ATL1: variants seen among roughly 807,000 people sequenced by gnomAD.
The protein encoded by ATL1 is atlastin-1.
In ATL1, 31 loss-of-function variants were observed where a neutral mutation model predicts 75.5. That is an observed-to-expected ratio of 0.41 (90% CI 0.31 to 0.55). ATL1 has a LOEUF of 0.55. Ranked by LOEUF, ATL1 falls within the 20% of genes least tolerant of loss-of-function variation. ATL1 has a pLI of 0.27. For missense variants in ATL1, 405 were observed against 662.6 expected (o/e 0.61, Z 4.27); for synonymous variants, 226 against 233.3 (o/e 0.97, Z 0.28).
intron 8 of ATL1, among the ~76,000 whole-genome samples, chr14:50,615,640 C>A (rs1407608495): frequency 6.6e-6 from 1 of 152,164 alleles, no homozygotes; most frequent in African/African-American, 2.4e-5. Flanking sequence ...GGATGACAGG[C>A]TCCTATAATT....
intron 1 of ATL1, among the ~76,000 whole-genome samples, chr14:50,553,497 C>G (rs2038728379): frequency 6.6e-6 from 1 of 151,954 alleles, no homozygotes; most frequent in Non-Finnish European, 1.5e-5. Flanking sequence ...TTTTACGCTG[C>G]TGGTGGGAAT....
At chr14:50,564,539 C>T (rs1361014627) in intron 1 of ATL1, among the ~76,000 whole-genome samples, 5 of 148,758 alleles carry the variant, frequency 3.4e-5, no homozygotes, top group East Asian at 2.0e-4. Flanking sequence ...ATCCCAGCTA[C>T]TCGGGAGGCT....
chr14:50,624,277 G>A (rs1232083184), intron 11 of ATL1, among the ~76,000 whole-genome samples: 2 of 152,042 alleles, frequency 1.3e-5, no homozygotes, highest in African/African-American at 4.8e-5. Context: ...TGTGAAGCAA[G>A]TCTATTGACG....
At chr14:50,631,285 CA>C (rs983052025) in intron 13 of ATL1, among the ~76,000 whole-genome samples, 2 of 147,436 alleles carry the variant, frequency 1.4e-5, no homozygotes, top group South Asian at 2.2e-4. Context: ...AAAACAAAAA[CA>C]AAAAAAAACC....
chr14:50,565,319 A>C (rs1035008647), intron 1 of ATL1, among the ~76,000 whole-genome samples: 1 of 151,748 alleles, frequency 6.6e-6, no homozygotes, highest in South Asian at 2.1e-4. Context: ...AAAACAAACA[A>C]AAAAAACCAC....
At chr14:50,597,220 C>CAAAAAAAAAAAAAAAAAAAAAAAAAAAAA (rs372066395) in intron 6 of ATL1, among the ~76,000 whole-genome samples, 13 of 108,346 alleles carry the variant, frequency 1.2e-4, no homozygotes, top group East Asian at 2.5e-4. Flanking sequence ...AAAAAACAAA[C>CAAAAAAAAAAAAAAAAAAAAAAAAAAAAA]AAAAAAAAAA....
intron 1 of ATL1, among the ~76,000 whole-genome samples, chr14:50,540,254 A>G (rs1253376382): frequency 6.6e-6 from 1 of 152,226 alleles, no homozygotes; most frequent in Admixed American, 6.5e-5. Flanking sequence ...TTAATCCCTG[A>G]GTCTCTAGGA....
chr14:50,598,640 G>A (rs369252795), intron 6 of ATL1, among the ~76,000 whole-genome samples: 1 of 152,172 alleles, frequency 6.6e-6, no homozygotes, highest in Non-Finnish European at 1.5e-5. Flanking sequence ...TGGGATTACA[G>A]GTGTGAGCCA....
chr14:50,581,374 G>T (rs2039053463), intron 1 of ATL1, among the ~76,000 whole-genome samples: 1 of 151,314 alleles, frequency 6.6e-6, no homozygotes, highest in Non-Finnish European at 1.5e-5. Flanking sequence ...ATATGAAAAG[G>T]GTCAAAATAG....
At chr14:50,562,714 A>C (rs529139203) in intron 1 of ATL1, among the ~76,000 whole-genome samples, 24 of 152,340 alleles carry the variant, frequency 1.6e-4, no homozygotes, top group African/African-American at 5.5e-4. Flanking sequence ...TAGAAAAGAA[A>C]GAGTGGAATT....
intron 1 of ATL1, among the ~76,000 whole-genome samples, chr14:50,582,522 G>C (rs1209377807): frequency 6.7e-6 from 1 of 149,204 alleles, no homozygotes; most frequent in Non-Finnish European, 1.5e-5. Flanking sequence ...TGATTCTCCT[G>C]CCTCAGCCTC....
chr14:50,623,046 G>A (rs1353272319), intron 10 of ATL1, 131 bp from the exon 11 acceptor site: 14 of 754,242 alleles, frequency 1.9e-5, no homozygotes, highest in Non-Finnish European at 3.2e-5. Flanking sequence ...TATTATAACA[G>A]TTTTAAATTA....
At chr14:50,583,143 C>T (rs2140196967) in intron 1 of ATL1, among the ~76,000 whole-genome samples, 1 of 152,182 alleles carries the variant, frequency 6.6e-6, no homozygotes, top group East Asian at 1.9e-4. Context: ...GGAGACATTC[C>T]CTTTAAAATC....
intron 11 of ATL1, among the ~76,000 whole-genome samples, chr14:50,627,750 G>A (rs184915688): frequency 1.2e-4 from 19 of 152,218 alleles, no homozygotes; most frequent in Admixed American, 1.1e-3. Flanking sequence ...TGTGTCACAC[G>A]TCTTTTCATC....
At chr14:50,615,319 T>C (rs1183878419) in intron 8 of ATL1, among the ~76,000 whole-genome samples, 1 of 152,212 alleles carries the variant, frequency 6.6e-6, no homozygotes, top group Admixed American at 6.5e-5. Flanking sequence ...TTGTGCATCG[T>C]GCCAGGAGTG....
At chr14:50,592,288 C>G (rs984903063) in intron 4 of ATL1, among the ~76,000 whole-genome samples, 1 of 151,962 alleles carries the variant, frequency 6.6e-6, no homozygotes, top group South Asian at 2.1e-4. Flanking sequence ...TTTCAATCCA[C>G]TGGCAAAAGC....
At chr14:50,550,808 A>G (rs1004319097) in intron 1 of ATL1, among the ~76,000 whole-genome samples, 1 of 152,254 alleles carries the variant, frequency 6.6e-6, no homozygotes, top group Non-Finnish European at 1.5e-5. Flanking sequence ...TCTTTGGGTT[A>G]ACAATGAAAT....
intron 1 of ATL1, among the ~76,000 whole-genome samples, chr14:50,563,428 T>C (rs1346998282): frequency 2.0e-5 from 3 of 152,138 alleles, no homozygotes; most frequent in Non-Finnish European, 2.9e-5. Flanking sequence ...AAAAATCTTA[T>C]GAGAGCTTAA....
chr14:50,591,842 A>T, intron 4 of ATL1: 1 of 537,772 alleles, frequency 1.9e-6, no homozygotes, highest in South Asian at 2.3e-5. Flanking sequence ...ACAAACTTTC[A>T]AATTGACTGC....
Sources: allele counts gnomAD v4.1 joint callset (sites outside exome capture counted in the v4.1 genomes callset), GRCh38; gene constraint gnomAD v4.1.1; transcripts MANE v1.5; gene names NCBI Gene and HGNC (gene_info 2026-07-23, HGNC 2026-07-21).